Variants in LUZP2 observed in about 807,000 individuals in gnomAD.
LUZP2 encodes the protein leucine zipper protein 2.
Under a neutral mutation model 51.6 loss-of-function variants are expected in LUZP2, and 52 were observed. That is an observed-to-expected ratio of 1.01 (90% confidence interval 0.81 to 1.27). LUZP2 has a LOEUF of 1.27. Among genes scored for constraint, LUZP2 ranks in the 50% most tolerant of loss-of-function variants. The probability of loss-of-function intolerance (pLI) is 0.00; values close to 1 mark genes in which losing one functional copy is unlikely to be tolerated. For synonymous variants in LUZP2, 154 were observed against 137.3 expected (o/e 1.12, Z -0.85); for missense variants, 436 against 395.4 (o/e 1.10, Z -0.87).
intron 5 of LUZP2, chr11:24,892,350 C>CTG: frequency 1.0e-6 from 1 of 985,296 alleles, no homozygotes; most frequent in African/African-American, 1.7e-5. Flanking sequence ...AATTAGCCAC[C>CTG]ACTGGAGTAG....
intron 1 of LUZP2, among the ~76,000 whole-genome samples, chr11:24,521,534 G>T (rs1425568750): frequency 1.3e-5 from 2 of 152,028 alleles, no homozygotes; most frequent in East Asian, 3.9e-4. Context: ...GAAAAACTTG[G>T]TTACAAGCTT....
intron 1 of LUZP2, among the ~76,000 whole-genome samples, chr11:24,714,045 A>G (rs1479995613): frequency 1.3e-5 from 2 of 151,914 alleles, no homozygotes; most frequent in Non-Finnish European, 2.9e-5. Context: ...CCATAAAAAT[A>G]ATACAAAAGT....
intron 5 of LUZP2, among the ~76,000 whole-genome samples, chr11:24,883,248 G>A (rs890103593): frequency 2.0e-5 from 3 of 151,892 alleles, no homozygotes; most frequent in East Asian, 1.9e-4. Context: ...CGTTAAGAGC[G>A]TAGGAAGAAA....
Position 24,913,669 on chromosome 11 carries a change from T to TTGTG in LUZP2, c.460-783_460-780dup, listed in dbSNP as rs35901522. 3.1e-3 allele frequency among the ~76,000 whole-genome samples: 456 copies of TTGTG among 148,538 alleles called. 1 individual carries two copies. The highest frequency in any genetic ancestry group is 0.018 in the East Asian group (91 of 5,072). On this transcript the variant is annotated intron_variant, in intron 6 of 11. Coordinates refer to ENST00000336930, the MANE Select transcript of LUZP2 (RefSeq NM_001009909.4). ...CATGTGATCATGCTAATCTATTTAT[T>TTGTG]TGTGTGTGTGTGTGTGTGTGTGTGT... is the stretch of plus-strand genomic sequence containing the variant.
chr11:24,543,637 A>G (rs1467495158), intron 1 of LUZP2, among the ~76,000 whole-genome samples: 17 of 152,016 alleles, frequency 1.1e-4, no homozygotes, highest in Admixed American at 1.1e-3. Flanking sequence ...CCTGGCCAAC[A>G]TAGTGAAATT....
intron 7 of LUZP2, among the ~76,000 whole-genome samples, chr11:24,917,183 T>G (rs1158358702): frequency 6.6e-6 from 1 of 152,218 alleles, no homozygotes; most frequent in East Asian, 1.9e-4. Context: ...TGGGGTTGTT[T>G]GTTTTTTTCT....
At chr11:24,963,470 C>T (rs11028305) in intron 7 of LUZP2, among the ~76,000 whole-genome samples, 56,928 of 152,074 alleles carry the variant, frequency 0.37, 12,737 homozygotes, top group East Asian at 0.7. Context: ...TGGGCAATGG[C>T]GGGTGCCCCT....
intron 1 of LUZP2, among the ~76,000 whole-genome samples, chr11:24,721,679 T>G (rs2133952081): frequency 6.6e-6 from 1 of 152,258 alleles, no homozygotes; most frequent in East Asian, 1.9e-4. Flanking sequence ...CTAAATAAAT[T>G]GTAGTATATG....
chr11:24,947,531 T>C (rs1854933327), intron 7 of LUZP2, among the ~76,000 whole-genome samples: 1 of 151,952 alleles, frequency 6.6e-6, no homozygotes, highest in African/African-American at 2.4e-5. Context: ...TTACTTTCAC[T>C]GGTGCTCTTT....
chr11:24,810,795 AAC>A (rs1849995941), intron 5 of LUZP2, among the ~76,000 whole-genome samples: 1 of 152,174 alleles, frequency 6.6e-6, no homozygotes, highest in South Asian at 2.1e-4. Context: ...TAAGCCATGA[AAC>A]CATCTGTAGA....
At chr11:24,580,233 T>G (rs1565004494) in intron 1 of LUZP2, among the ~76,000 whole-genome samples, 2 of 152,140 alleles carry the variant, frequency 1.3e-5, no homozygotes, top group Non-Finnish European at 2.9e-5. Context: ...GTTAACTTAC[T>G]GAAAAGGAAC....
At chr11:24,899,115 A>C (rs183190956) in intron 5 of LUZP2, among the ~76,000 whole-genome samples, 34 of 152,328 alleles carry the variant, frequency 2.2e-4, no homozygotes, top group Middle Eastern at 6.8e-3. Flanking sequence ...AAAAATTTAG[A>C]AATTTCTAAA....
At chr11:25,076,920 T>C (rs1440184745) in intron 10 of LUZP2, among the ~76,000 whole-genome samples, 1 of 152,126 alleles carries the variant, frequency 6.6e-6, no homozygotes, top group African/African-American at 2.4e-5. Context: ...GTGGTCACAT[T>C]ACTTACATTG....
At chr11:24,613,963 T>G (rs1055833341) in intron 1 of LUZP2, among the ~76,000 whole-genome samples, 2 of 152,000 alleles carry the variant, frequency 1.3e-5, no homozygotes, top group African/African-American at 4.8e-5. Flanking sequence ...AACCGCCAAC[T>G]CTTTGGTGTG....
At chr11:24,777,244 C>T (rs1007830044) in intron 5 of LUZP2, among the ~76,000 whole-genome samples, 3 of 152,018 alleles carry the variant, frequency 2.0e-5, no homozygotes, top group African/African-American at 4.8e-5. Context: ...CTGCCCGCCT[C>T]GGCCTCCCAA....
At chr11:24,745,078 G>A (rs182114919) in intron 4 of LUZP2, among the ~76,000 whole-genome samples, 47 of 152,174 alleles carry the variant, frequency 3.1e-4, no homozygotes, top group Non-Finnish European at 5.4e-4. Context: ...GAGAGTGTTT[G>A]ATATAATTTC....
intron 1 of LUZP2, among the ~76,000 whole-genome samples, chr11:24,504,720 A>T (rs988737594): frequency 4.6e-5 from 7 of 151,744 alleles, no homozygotes; most frequent in East Asian, 1.9e-4. Flanking sequence ...ATTTTTTTTT[A>T]AATTCAAAAT....
rs866288408 is a variant in LUZP2 at position 24,942,943 on chromosome 11, A to G, written c.522+28405A>G. ...TTCAGATTTTTCTTATTATTTAATG[A>G]GATCAGTTACATCATAATTTATTTT... On this transcript the variant is annotated intron_variant, in intron 7 of 11. Transcript: ENST00000336930. Among the ~76,000 whole-genome samples, 12 of 152,300 alleles carry G rather than the reference A, an allele frequency of 7.9e-5. No homozygotes were observed. In the Middle Eastern group the frequency reaches 0.014, roughly 173 times the overall value.
chr11:24,949,968 C>T (rs371760375), intron 7 of LUZP2, among the ~76,000 whole-genome samples: 7 of 119,842 alleles, frequency 5.8e-5, no homozygotes, highest in Admixed American at 1.7e-4. Context: ...TCTTTCTTTT[C>T]TTTTTTTTTT....
Sources: gnomAD v4.1 joint callset for allele counts (sites outside exome capture counted in the v4.1 genomes callset) on GRCh38, gnomAD v4.1.1 for gene constraint, MANE v1.5 for transcripts, NCBI Gene and HGNC (gene_info 2026-07-23, HGNC 2026-07-21) for gene names.